Variants in SVOP observed in about 807,000 individuals in gnomAD.
SVOP encodes the protein synaptic vesicle 2-related protein.
Under a neutral mutation model 69.1 loss-of-function variants are expected in SVOP, and 17 were observed. That is an observed-to-expected ratio of 0.25 (90% CI 0.17 to 0.37). The LOEUF (loss-of-function observed/expected upper bound fraction) is 0.37. SVOP is among the 10% of genes least tolerant of loss of function. SVOP has a pLI of 1.00. For synonymous variants in SVOP, 238 were observed against 238.6 expected, an observed-to-expected ratio of 1.00 and a Z score of 0.02; for missense variants, 435 against 597.5, an observed-to-expected ratio of 0.73 and a Z score of 2.84.
intron 11 of SVOP, among the ~76,000 whole-genome samples, chr12:108,927,407 G>A (rs1182702638): frequency 6.6e-6 from 1 of 152,116 alleles, no homozygotes; most frequent in South Asian, 2.1e-4. Context: ...CGAGAGGCAT[G>A]ATTTTACCTT....
chr12:108,926,398 T>C (rs2039780345), intron 11 of SVOP: 1 of 152,202 alleles, frequency 6.6e-6, no homozygotes. Context: ...TAGTATTTCA[T>C]GGTGTACTGG....
intron 1 of SVOP, among the ~76,000 whole-genome samples, chr12:108,993,461 G>A (rs1362012757): frequency 2.0e-5 from 3 of 151,712 alleles, no homozygotes; most frequent in South Asian, 4.2e-4. Context: ...AACAAATATC[G>A]AAAGAGCACC....
intron 1 of SVOP, among the ~76,000 whole-genome samples, chr12:109,006,121 C>T (rs777420010): frequency 5.9e-5 from 9 of 152,118 alleles, no homozygotes; most frequent in Non-Finnish European, 1.3e-4. Context: ...GGCACAGTCT[C>T]GGCTCACTGC....
At chr12:108,999,264 A>G (rs1312800967) in intron 1 of SVOP, among the ~76,000 whole-genome samples, 2 of 144,212 alleles carry the variant, frequency 1.4e-5, no homozygotes, top group Non-Finnish European at 3.1e-5. Context: ...AGAGCTAACT[A>G]TCCTAAATAT....
intron 5 of SVOP, among the ~76,000 whole-genome samples, chr12:108,962,289 G>C (rs1303388888): frequency 6.6e-6 from 1 of 152,006 alleles, no homozygotes; most frequent in East Asian, 1.9e-4. Context: ...TATAGACATG[G>C]GGTTTCACCA....
At chr12:109,015,571 C>T (rs139666483) in intron 1 of SVOP, among the ~76,000 whole-genome samples, 73 of 152,054 alleles carry the variant, frequency 4.8e-4, no homozygotes, top group African/African-American at 1.4e-3. Flanking sequence ...CAGCATTTTG[C>T]GGGGCCAAGG....
intron 1 of SVOP, among the ~76,000 whole-genome samples, chr12:108,988,454 T>C (rs565253830): frequency 1.3e-5 from 2 of 152,302 alleles, no homozygotes; most frequent in South Asian, 4.1e-4. Flanking sequence ...ACATCCAATG[T>C]TCCTAATACC....
At chr12:108,982,221 A>C (rs2137437003) in intron 2 of SVOP, among the ~76,000 whole-genome samples, 1 of 150,868 alleles carries the variant, frequency 6.6e-6, no homozygotes, top group Admixed American at 6.6e-5. Flanking sequence ...CATCATCTTC[A>C]TCACCATAAT....
chr12:108,945,747 C>T (rs994533507), intron 6 of SVOP, among the ~76,000 whole-genome samples: 7 of 152,140 alleles, frequency 4.6e-5, no homozygotes, highest in South Asian at 2.1e-4. Flanking sequence ...CCATTGAGCC[C>T]TACCCATAAT....
chr12:108,916,147 C>T (rs1004799438), intron 14 of SVOP, among the ~76,000 whole-genome samples: 3 of 152,222 alleles, frequency 2.0e-5, no homozygotes, highest in African/African-American at 7.2e-5. Context: ...CCACCAGGAA[C>T]TGCCACAAGT....
chr12:108,982,184 TATC>T (rs1248879255), intron 2 of SVOP, among the ~76,000 whole-genome samples: 1 of 151,054 alleles, frequency 6.6e-6, no homozygotes, highest in Non-Finnish European at 1.5e-5. Context: ...ATCCTATCAT[TATC>T]ATCACCATCA....
intron 11 of SVOP, among the ~76,000 whole-genome samples, chr12:108,928,727 C>A (rs1039529775): frequency 6.6e-6 from 1 of 152,080 alleles, no homozygotes; most frequent in Non-Finnish European, 1.5e-5. Flanking sequence ...CCACCACACT[C>A]GGCTCAGTTT....
intron 1 of SVOP, among the ~76,000 whole-genome samples, chr12:108,994,757 C>G (rs80135290): frequency 0.96 from 145,630 of 152,282 alleles, 69,980 homozygotes; most frequent in East Asian, 1. Flanking sequence ...CTAGCATGCT[C>G]TTTGCAGCTT....
chr12:108,928,189 C>T (rs1438798780), intron 11 of SVOP, among the ~76,000 whole-genome samples: 1 of 152,122 alleles, frequency 6.6e-6, no homozygotes, highest in East Asian at 1.9e-4. Context: ...CAGGTGTGAG[C>T]CACCATGCGC....
intron 7 of SVOP, among the ~76,000 whole-genome samples, chr12:108,941,786 C>G (rs36184936): frequency 0.27 from 41,738 of 151,820 alleles, 6,594 homozygotes; most frequent in East Asian, 0.48. Context: ...CTCAGCCTCC[C>G]GAGTAGCTGG....
chr12:108,997,503 G>A (rs1043808167), intron 1 of SVOP, among the ~76,000 whole-genome samples: 8 of 152,096 alleles, frequency 5.3e-5, no homozygotes, highest in Admixed American at 4.6e-4. Flanking sequence ...CCACCTCTGC[G>A]GGCAGGGCAC....
chr12:108,998,510 C>G (rs1001443502), intron 1 of SVOP, among the ~76,000 whole-genome samples: 3 of 151,770 alleles, frequency 2.0e-5, no homozygotes, highest in Non-Finnish European at 4.4e-5. Flanking sequence ...ACATAATTGT[C>G]AGATTCACCA....
intron 6 of SVOP, among the ~76,000 whole-genome samples, chr12:108,951,995 G>T (rs1380500561): frequency 6.6e-6 from 1 of 152,098 alleles, no homozygotes; most frequent in Non-Finnish European, 1.5e-5. Context: ...AAGGTTTGTG[G>T]CTTCTTCTTG....
chr12:108,998,884 T>C (rs1223070389), intron 1 of SVOP, among the ~76,000 whole-genome samples: 1 of 149,728 alleles, frequency 6.7e-6, no homozygotes. Context: ...CCACCGAGAC[T>C]AGGAAGAAAC....
Sources: allele counts gnomAD v4.1 joint callset (sites outside exome capture counted in the v4.1 genomes callset), GRCh38; gene constraint gnomAD v4.1.1; transcripts MANE v1.5; gene names NCBI Gene and HGNC (gene_info 2026-07-23, HGNC 2026-07-21).